Variants in ADAMTS19 observed in about 807,000 individuals in gnomAD.
ADAMTS19 encodes the protein A disintegrin and metalloproteinase with thrombospondin motifs 19.
In ADAMTS19, 93 loss-of-function variants were observed where a neutral mutation model predicts 153.3. The observed-to-expected ratio is 0.61, with a 90% confidence interval of 0.51 to 0.72. The LOEUF (loss-of-function observed/expected upper bound fraction) is 0.72. Among genes scored for constraint, ADAMTS19 ranks in the 30% least tolerant of loss-of-function variants. The pLI is 0.00. For synonymous variants in ADAMTS19, 600 were observed against 556.6 expected, an observed-to-expected ratio of 1.08 and a Z score of -1.10; for missense variants, 1,482 against 1,552.1, an observed-to-expected ratio of 0.95 and a Z score of 0.76.
chr5:129,688,253 C>G (rs1755176889), intron 18 of ADAMTS19: 2 of 152,048 alleles, frequency 1.3e-5, no homozygotes, highest in African/African-American at 2.4e-5. Context: ...CAGATTCATG[C>G]AAAATTTATC....
chr5:129,561,445 C>T (rs1019520189), intron 7 of ADAMTS19, among the ~76,000 whole-genome samples: 2 of 151,344 alleles, frequency 1.3e-5, no homozygotes, highest in Non-Finnish European at 2.9e-5. Context: ...AGGAGAATGG[C>T]GTGAACCCGG....
intron 8 of ADAMTS19, among the ~76,000 whole-genome samples, chr5:129,608,116 G>GTGTGTGTGTGTATATA (rs377008786): frequency 3.5e-4 from 17 of 47,952 alleles, no homozygotes; most frequent in South Asian, 9.7e-4. Flanking sequence ...GTGTGTGTGT[G>GTGTGTGTGTGTATATA]TATATATATA....
chr5:129,558,111 A>G (rs1038813806), intron 7 of ADAMTS19, among the ~76,000 whole-genome samples: 1 of 152,174 alleles, frequency 6.6e-6, no homozygotes, highest in Admixed American at 6.5e-5. Context: ...AGTCACTTAC[A>G]AAACAACTTG....
rs925846899 is a variant in ADAMTS19 at position 129,734,916 on chromosome 5, C to A, written c.3313-16C>A. On this transcript the variant is annotated splice_polypyrimidine_tract_variant and intron_variant, in intron 21 of 22. Transcript: ENST00000274487. ...AAAATAAAAAAGAACCTAAACAAAC[C>A]TTGTATTTCTCCTAGTGCTCAATTA... is the stretch of plus-strand genomic sequence containing the variant. The A allele has an allele frequency of 3.9e-6, 6 of 1,533,790 alleles. No homozygotes were observed. The highest frequency in any genetic ancestry group is 3.5e-6 in the Non-Finnish European group (4 of 1,141,994).
At chr5:129,734,161 G>A (rs189798343) in intron 21 of ADAMTS19, among the ~76,000 whole-genome samples, 130 of 151,772 alleles carry the variant, frequency 8.6e-4, no homozygotes, top group African/African-American at 3.0e-3. Flanking sequence ...GAGAAAGAGA[G>A]AAAATAGACA....
intron 7 of ADAMTS19, among the ~76,000 whole-genome samples, chr5:129,556,579 A>C (rs1753317991): frequency 6.6e-6 from 1 of 152,212 alleles, no homozygotes; most frequent in Admixed American, 6.5e-5. Flanking sequence ...TAAGGCTGCC[A>C]ATCAACTGAC....
intron 10 of ADAMTS19, among the ~76,000 whole-genome samples, chr5:129,624,656 C>T (rs1445565764): frequency 6.6e-6 from 1 of 152,122 alleles, no homozygotes; most frequent in Non-Finnish European, 1.5e-5. Context: ...TGATCAACTA[C>T]ACACGATTCT....
intron 16 of ADAMTS19, among the ~76,000 whole-genome samples, chr5:129,678,892 A>G (rs1317017152): frequency 6.6e-6 from 1 of 152,208 alleles, no homozygotes; most frequent in Non-Finnish European, 1.5e-5. Flanking sequence ...AAATGTTTTC[A>G]TGTAATTTTG....
At chr5:129,718,634 A>C (rs1412338006) in intron 21 of ADAMTS19, among the ~76,000 whole-genome samples, 1 of 152,152 alleles carries the variant, frequency 6.6e-6, no homozygotes, top group Non-Finnish European at 1.5e-5. Flanking sequence ...AGCGCTAATA[A>C]TTTCCAGTAG....
chr5:129,628,644 A>C lies in ADAMTS19; in HGVS notation c.1770+6296A>C, dbSNP rs562787606. Among the ~76,000 whole-genome samples the C allele has an allele frequency of 5.9e-5, 9 of 152,212 alleles. 1 individual carries two copies. In the South Asian group the frequency reaches 1.9e-3, roughly 32 times the overall value. ...AGCAGAAAATAGTTATAACTGTAGA[A>C]GACTGAAAATAGTTGTGCACTATGT... On this transcript the variant is annotated intron_variant, in intron 10 of 22. Coordinates refer to ENST00000274487, the MANE Select transcript of ADAMTS19 (RefSeq NM_133638.6).
chr5:129,522,089 T>C (rs2126751064), intron 3 of ADAMTS19, among the ~76,000 whole-genome samples: 1 of 151,706 alleles, frequency 6.6e-6, no homozygotes, highest in East Asian at 2.0e-4. Flanking sequence ...GGTGAGAAGC[T>C]ATCACTTGTC....
rs952584864 is a variant in ADAMTS19, at chr5:129,652,992, C to A, written c.2177-1314C>A. On this transcript the variant is annotated intron_variant, in intron 13 of 22. Transcript: ENST00000274487. ...CTTAAAGGAAAATTTCAAAACCATG[C>A]ACATTAAAGGCCATGTTCCAACTCC... Among the ~76,000 whole-genome samples, 18 of 152,250 alleles carry A rather than the reference C, an allele frequency of 1.2e-4. 1 individual carries two copies. The highest frequency in any genetic ancestry group is 2.2e-4 in the Non-Finnish European group (15 of 68,014).
intron 14 of ADAMTS19, 34 bp downstream of exon 14, chr5:129,654,467 G>T: frequency 1.3e-6 from 2 of 1,591,576 alleles, no homozygotes; most frequent in Non-Finnish European, 1.7e-6. Flanking sequence ...GAATTTATAT[G>T]TTGAAGGAAA....
chr5:129,665,744 A>G (rs919302759), intron 16 of ADAMTS19, among the ~76,000 whole-genome samples, 165 bp downstream of exon 16: 3 of 151,986 alleles, frequency 2.0e-5, no homozygotes, highest in African/African-American at 7.3e-5. Context: ...TTCTCTCCCA[A>G]GGACTTCCCA....
chr5:129,704,482 G>A, intron 21 of ADAMTS19, 91 bp downstream of exon 21: 1 of 1,427,136 alleles, frequency 7.0e-7, no homozygotes, highest in South Asian at 1.4e-5. Flanking sequence ...GAGTTTAGGA[G>A]GGAAGGAGAG....
intron 21 of ADAMTS19, among the ~76,000 whole-genome samples, chr5:129,726,180 A>G (rs1360832176): frequency 1.3e-5 from 2 of 152,112 alleles, no homozygotes; most frequent in African/African-American, 4.8e-5. Context: ...TGTGTTTCCT[A>G]TTCAGAATTA....
At chr5:129,599,969 A>G (rs1005906967) in intron 8 of ADAMTS19, among the ~76,000 whole-genome samples, 1 of 152,180 alleles carries the variant, frequency 6.6e-6, no homozygotes, top group Non-Finnish European at 1.5e-5. Context: ...GATGCTAGAC[A>G]GTGAGAGACA....
chr5:129,553,260 C>A (rs1162939619), intron 7 of ADAMTS19, among the ~76,000 whole-genome samples: 1 of 152,070 alleles, frequency 6.6e-6, no homozygotes, highest in Non-Finnish European at 1.5e-5. Flanking sequence ...CGCCATCTTC[C>A]ATAGCTATAC....
In ADAMTS19 at chr5:129,637,262, T is replaced by C. The variant is rs149549501; in HGVS notation, c.1771-4597T>C. Among the ~76,000 whole-genome samples the C allele has an allele frequency of 4.1e-3, 630 of 152,312 alleles. 5 individuals carry two copies. The highest frequency in any genetic ancestry group is 0.015 in the African/African-American group (607 of 41,554). ...GCATCACATATTTTGTATCCACAGA[T>C]ATAAAAATCATAGATTTTAAGTTAT... On this transcript the variant is annotated intron_variant, in intron 10 of 22. Transcript: ENST00000274487.
Sources: allele counts gnomAD v4.1 joint callset (sites outside exome capture counted in the v4.1 genomes callset), GRCh38; gene constraint gnomAD v4.1.1; transcripts MANE v1.5; gene names NCBI Gene and HGNC (gene_info 2026-07-23, HGNC 2026-07-21).